Variants in PDE4B observed in about 807,000 individuals in gnomAD.
PDE4B encodes the protein phosphodiesterase 4B, also known as 3',5'-cyclic-AMP phosphodiesterase 4B.
A neutral mutation model predicts 82.2 loss-of-function variants in PDE4B; 20 were observed. The ratio of observed to expected loss-of-function variants is 0.24; its 90% CI spans 0.17 to 0.35. The LOEUF (loss-of-function observed/expected upper bound fraction) is 0.35, where lower values mean the gene tolerates loss of function less well. Ranked by LOEUF, PDE4B falls within the 10% of genes least tolerant of loss-of-function variation. PDE4B has a pLI of 1.00. For synonymous variants in PDE4B, 320 were observed against 318.9 expected (o/e 1.00, Z -0.04); for missense variants, 655 against 907.2 (o/e 0.72, Z 3.57).
chr1:66,153,703 A>G (rs1224999152), intron 3 of PDE4B, among the ~76,000 whole-genome samples: 3 of 152,194 alleles, frequency 2.0e-5, no homozygotes, highest in Admixed American at 2.0e-4. Context: ...ACAAGAACTC[A>G]TTGAACTGAA....
chr1:65,883,450 C>G (rs1459845638), intron 1 of PDE4B, among the ~76,000 whole-genome samples: 1 of 151,926 alleles, frequency 6.6e-6, no homozygotes, highest in Non-Finnish European at 1.5e-5. Flanking sequence ...TGATTTGGCT[C>G]TCTGTTTGTC....
intron 8 of PDE4B, chr1:66,355,181 G>T (rs1291629559): frequency 5.5e-6 from 2 of 365,860 alleles, no homozygotes; most frequent in Admixed American, 4.4e-5. Flanking sequence ...CACCAAATAG[G>T]TTATTAAATT....
chr1:66,369,707 C>T (rs894371319), intron 16 of PDE4B, among the ~76,000 whole-genome samples: 1 of 152,060 alleles, frequency 6.6e-6, no homozygotes, highest in Non-Finnish European at 1.5e-5. Flanking sequence ...ATCCCAAAAA[C>T]ATTTGGATTG....
intron 3 of PDE4B, among the ~76,000 whole-genome samples, chr1:66,203,363 T>G (rs1649199633): frequency 6.6e-6 from 1 of 152,126 alleles, no homozygotes; most frequent in South Asian, 2.1e-4. Flanking sequence ...TTTGTGGCAT[T>G]CTCTGTATTT....
At chr1:66,154,160 G>A (rs950976841) in intron 3 of PDE4B, among the ~76,000 whole-genome samples, 5 of 152,058 alleles carry the variant, frequency 3.3e-5, no homozygotes, top group Admixed American at 1.3e-4. Flanking sequence ...ATAGCACCTC[G>A]TGCCTGTTAC....
intron 3 of PDE4B, among the ~76,000 whole-genome samples, chr1:66,234,180 T>C (rs1652214470): frequency 6.6e-6 from 1 of 152,248 alleles, no homozygotes; most frequent in South Asian, 2.1e-4. Context: ...ATTTCTGTAA[T>C]AGATACAGAC....
chr1:66,210,725 A>G (rs1402827365), intron 3 of PDE4B, among the ~76,000 whole-genome samples: 1 of 152,138 alleles, frequency 6.6e-6, no homozygotes. Flanking sequence ...GGTTTGCCAA[A>G]CAGGCAGGAG....
At chr1:66,238,770 C>T (rs61335531) in intron 3 of PDE4B, among the ~76,000 whole-genome samples, 6,082 of 117,954 alleles carry the variant, frequency 0.052, 270 homozygotes, top group East Asian at 0.15. Flanking sequence ...ACTAAGGGGG[C>T]GGGGAAGGGT....
rs115721030 is a variant in PDE4B at position 66,269,051 on chromosome 1, C to T, written c.634+2964C>T. Among the ~76,000 whole-genome samples the T allele has an allele frequency of 4.3e-3, 660 of 152,170 alleles. 6 individuals carry two copies. Among genetic ancestry groups the T allele is most frequent in the African/African-American group, 0.015 (633 of 41,510 alleles). On this transcript the variant is annotated intron_variant, in intron 7 of 16. Transcript: ENST00000341517. ...GGGAAAACTACATAAAATTTGGGGA[C>T]TTTATGTGAAGTAAAATACATATAA...
intron 1 of PDE4B, among the ~76,000 whole-genome samples, chr1:65,887,666 C>T (rs1646806621): frequency 6.6e-6 from 1 of 151,770 alleles, no homozygotes; most frequent in African/African-American, 2.4e-5. Flanking sequence ...AATCCACCTG[C>T]CTCGGCCTCC....
intron 3 of PDE4B, among the ~76,000 whole-genome samples, chr1:66,162,252 G>A (rs899646110): frequency 1.3e-5 from 2 of 148,538 alleles, no homozygotes. Flanking sequence ...TAATGCAGAG[G>A]GACAAGACTT....
chr1:66,208,963 C>T (rs936925587), intron 3 of PDE4B, among the ~76,000 whole-genome samples: 1 of 152,152 alleles, frequency 6.6e-6, no homozygotes, highest in Non-Finnish European at 1.5e-5. Context: ...TGGCAGCAGA[C>T]CAGGACTGTC....
At position 66,361,550 on chromosome 1, in the gene PDE4B, T is replaced by C. The variant is rs960195118; in HGVS notation, c.842-65T>C. 3 of 1,300,028 alleles carry C rather than the reference T, an allele frequency of 2.3e-6. No homozygotes were observed. In the African/African-American group the frequency reaches 4.4e-5, roughly 19 times the overall value. The allele number at this position is 1,300,028 out of a possible 1,614,324, so 80.5% of individuals were successfully genotyped here. On this transcript the variant is annotated intron_variant, in intron 9 of 16. Coordinates refer to ENST00000341517, the MANE Select transcript of PDE4B (RefSeq NM_002600.4). ...GCTGTTATAGATGGTTAGAGTTGTT[T>C]TGAATATTGCAGTGGATTCTCATAG...
intron 3 of PDE4B, among the ~76,000 whole-genome samples, chr1:66,132,937 A>T (rs1278719589): frequency 6.6e-6 from 1 of 152,230 alleles, no homozygotes; most frequent in African/African-American, 2.4e-5. Context: ...GATAGAGCTC[A>T]GCAGTGGCAT....
At chr1:66,032,315 A>G (rs1653822961) in intron 3 of PDE4B, among the ~76,000 whole-genome samples, 1 of 152,256 alleles carries the variant, frequency 6.6e-6, no homozygotes, top group Non-Finnish European at 1.5e-5. Context: ...TACTCAGAGT[A>G]CAGACTGCTT....
intron 7 of PDE4B, among the ~76,000 whole-genome samples, chr1:66,293,826 A>G (rs1657290600): frequency 6.6e-6 from 1 of 152,198 alleles, no homozygotes; most frequent in South Asian, 2.1e-4. Context: ...AAGGCTAGGT[A>G]TGTGATTTTG....
chr1:66,206,564 T>A (rs1299559210), intron 3 of PDE4B, among the ~76,000 whole-genome samples: 1 of 152,220 alleles, frequency 6.6e-6, no homozygotes, highest in African/African-American at 2.4e-5. Flanking sequence ...GGTGGGATAA[T>A]AAGAGATACT....
Position 66,081,906 on chromosome 1 carries a change from C to G in PDE4B, c.281+163071C>G, listed in dbSNP as rs532761331. The stretch of plus-strand genomic sequence containing the variant: ...CTGGATTTGCAAAAACACCACTTTG[C>G]CCATTAAAATAGCATGTACTCATTT... On this transcript the variant is annotated intron_variant, in intron 3 of 16. Transcript: ENST00000341517. Among the ~76,000 whole-genome samples, 183 of 150,792 alleles carry G rather than the reference C, an allele frequency of 1.2e-3. 2 individuals carry two copies. Among genetic ancestry groups the G allele is most frequent in the African/African-American group, 4.1e-3 (167 of 41,076 alleles).
At chr1:66,345,806 A>G (rs1557716106) in intron 8 of PDE4B, among the ~76,000 whole-genome samples, 1 of 152,106 alleles carries the variant, frequency 6.6e-6, no homozygotes, top group Non-Finnish European at 1.5e-5. Flanking sequence ...CTGGTTCCCA[A>G]TGACCCCCAA....
Sources: allele counts gnomAD v4.1 joint callset (sites outside exome capture counted in the v4.1 genomes callset), GRCh38; gene constraint gnomAD v4.1.1; transcripts MANE v1.5; gene names NCBI Gene and HGNC (gene_info 2026-07-23, HGNC 2026-07-21).